The following PRKG1 variants were observed in gnomAD, a reference collection of about 807,000 sequenced individuals.
The protein encoded by PRKG1 is cGMP-dependent protein kinase 1.
Under a neutral mutation model 88.1 loss-of-function variants are expected in PRKG1, and 35 were observed. The observed-to-expected ratio is 0.40, with a 90% CI of 0.30 to 0.53. The LOEUF (loss-of-function observed/expected upper bound fraction) is 0.53. Ranked by LOEUF, PRKG1 falls within the 20% of genes least tolerant of loss-of-function variation. PRKG1 has a pLI of 0.59. For synonymous variants in PRKG1, 303 were observed against 292.5 expected, an observed-to-expected ratio of 1.04 and a Z score of -0.37; for missense variants, 540 against 839.8, an observed-to-expected ratio of 0.64 and a Z score of 4.41.
intron 1 of PRKG1, among the ~76,000 whole-genome samples, chr10:51,034,672 A>ATATG (rs1564576955): frequency 2.0e-5 from 2 of 99,170 alleles, no homozygotes; most frequent in Non-Finnish European, 4.0e-5. Flanking sequence ...TGTTATTTAT[A>ATATG]TATATATATA....
At chr10:51,223,560 T>G (rs1838609553) in intron 2 of PRKG1, among the ~76,000 whole-genome samples, 1 of 152,156 alleles carries the variant, frequency 6.6e-6, no homozygotes, top group Non-Finnish European at 1.5e-5. Context: ...ATTAAAAAAT[T>G]TGTCCTTTTA....
chr10:51,843,611 T>A (rs1029872899), intron 4 of PRKG1, among the ~76,000 whole-genome samples: 1 of 152,182 alleles, frequency 6.6e-6, no homozygotes, highest in African/African-American at 2.4e-5. Flanking sequence ...CACACTGAAG[T>A]AACAGCTATG....
At chr10:51,421,399 A>G (rs6480249) in intron 2 of PRKG1, among the ~76,000 whole-genome samples, 3,740 of 152,186 alleles carry the variant, frequency 0.025, 151 homozygotes, top group African/African-American at 0.085. Context: ...GGCTGGTCTC[A>G]AACACCTGGC....
intron 7 of PRKG1, among the ~76,000 whole-genome samples, chr10:52,089,211 AG>A (rs1846991267): frequency 6.6e-6 from 1 of 152,206 alleles, no homozygotes. Flanking sequence ...CTTTTAAAAA[AG>A]GTTTCACTTC....
intron 4 of PRKG1, among the ~76,000 whole-genome samples, chr10:51,840,419 A>C (rs915645762): frequency 1.4e-4 from 21 of 152,170 alleles, no homozygotes; most frequent in Non-Finnish European, 2.9e-4. Context: ...ACAGTCACGA[A>C]TAGGCTTAAC....
At chr10:52,027,279 A>C (rs1241724869) in intron 5 of PRKG1, among the ~76,000 whole-genome samples, 2 of 152,204 alleles carry the variant, frequency 1.3e-5, no homozygotes, top group East Asian at 3.9e-4. Context: ...GGAGTTTTGC[A>C]AAACTCAGTT....
intron 2 of PRKG1, among the ~76,000 whole-genome samples, chr10:51,444,589 G>A (rs1839216300): frequency 6.6e-6 from 1 of 151,772 alleles, no homozygotes. Flanking sequence ...ATTTCTAAAA[G>A]GCAGCATCTT....
chr10:51,027,123 G>A (rs1843217633), intron 1 of PRKG1, among the ~76,000 whole-genome samples: 1 of 152,132 alleles, frequency 6.6e-6, no homozygotes, highest in Non-Finnish European at 1.5e-5. Flanking sequence ...ACTGCAGAGC[G>A]TCAAACCAAC....
intron 3 of PRKG1, among the ~76,000 whole-genome samples, chr10:51,494,411 T>G (rs16918657): frequency 0.18 from 27,833 of 152,186 alleles, 3,584 homozygotes; most frequent in East Asian, 0.56. Flanking sequence ...TGTTAACTAC[T>G]GGTAAAATTG....
At chr10:52,131,142 G>A (rs1256094911) in intron 7 of PRKG1, among the ~76,000 whole-genome samples, 4 of 152,104 alleles carry the variant, frequency 2.6e-5, no homozygotes, top group Admixed American at 6.6e-5. Context: ...CTACCCCAGG[G>A]TTCAGAAGTA....
intron 3 of PRKG1, among the ~76,000 whole-genome samples, chr10:51,642,182 G>A (rs933724457): frequency 2.0e-5 from 3 of 152,100 alleles, no homozygotes; most frequent in Admixed American, 6.5e-5. Flanking sequence ...ACAAGGTCAG[G>A]AGTTTGAGAC....
chr10:52,092,554 T>C (rs755969326), intron 7 of PRKG1, among the ~76,000 whole-genome samples: 59 of 152,166 alleles, frequency 3.9e-4, no homozygotes, highest in Non-Finnish European at 7.5e-4. Context: ...CCCTTCAGCA[T>C]AGAGTCCTGT....
intron 3 of PRKG1, among the ~76,000 whole-genome samples, chr10:51,508,851 A>G (rs1841308942): frequency 6.6e-6 from 1 of 152,168 alleles, no homozygotes; most frequent in Non-Finnish European, 1.5e-5. Context: ...AGAAGGGGGA[A>G]ATGAGTTGTT....
At chr10:51,560,906 G>A (rs1447168213) in intron 3 of PRKG1, among the ~76,000 whole-genome samples, 1 of 151,850 alleles carries the variant, frequency 6.6e-6, no homozygotes, top group Non-Finnish European at 1.5e-5. Flanking sequence ...AGACTTTAAT[G>A]TACCACAACT....
At chr10:51,683,710 T>G (rs998811739) in intron 3 of PRKG1, among the ~76,000 whole-genome samples, 2 of 152,146 alleles carry the variant, frequency 1.3e-5, no homozygotes, top group Non-Finnish European at 2.9e-5. Context: ...TGCCATGCAG[T>G]GTTCACTTCT....
At position 51,382,652 on chromosome 10, in the gene PRKG1, CA is replaced by C. The variant is rs574441304; in HGVS notation, c.479-85068del. 1.2e-3 allele frequency among the ~76,000 whole-genome samples: 183 copies of C among 152,258 alleles called. 1 individual carries two copies. In the Middle Eastern group the frequency reaches 0.021, roughly 17 times the overall value. On this transcript the variant is annotated intron_variant, in intron 2 of 17. Transcript: ENST00000373980. ...TTAAGATGCTTTAGGTAGAAAGTGT[CA>C]AAGTGCCTATTTAAAGTGCCTTGAA... is the stretch of plus-strand genomic sequence containing the variant.
chr10:51,032,445 G>A (rs1759663118), intron 1 of PRKG1, among the ~76,000 whole-genome samples: 1 of 151,794 alleles, frequency 6.6e-6, no homozygotes, highest in South Asian at 2.1e-4. Context: ...GATAATGCAT[G>A]TGTTCAATGT....
chr10:51,071,308 T>C (rs1222827142), upstream of PRKG1, among the ~76,000 whole-genome samples: 1 of 152,196 alleles, frequency 6.6e-6, no homozygotes, highest in East Asian at 1.9e-4. Flanking sequence ...TTGAAAAACA[T>C]ACTTAAAATA....
intron 2 of PRKG1, among the ~76,000 whole-genome samples, chr10:51,194,916 G>C (rs969762275): frequency 6.6e-6 from 1 of 152,072 alleles, no homozygotes; most frequent in Non-Finnish European, 1.5e-5. Flanking sequence ...TCCAGATAAT[G>C]GTATTAATCC....
Sources: allele counts gnomAD v4.1 joint callset (sites outside exome capture counted in the v4.1 genomes callset), GRCh38; gene constraint gnomAD v4.1.1; transcripts MANE v1.5; gene names NCBI Gene and HGNC (gene_info 2026-07-23, HGNC 2026-07-21).